Variants in ESRRG observed in about 807,000 individuals in gnomAD.
ESRRG encodes the protein estrogen related receptor gamma.
In ESRRG, 13 loss-of-function variants were observed where a neutral mutation model predicts 44.0. That is an observed-to-expected ratio of 0.30 (90% CI 0.19 to 0.47). The LOEUF is 0.47. Ranked by LOEUF, ESRRG falls within the 20% of genes least tolerant of loss-of-function variation. The pLI is 1.00. For synonymous variants in ESRRG, 215 were observed against 214.6 expected (o/e 1.00, Z -0.02); for missense variants, 395 against 580.6 (o/e 0.68, Z 3.29).
At chr1:216,821,567 C>G (rs549236439) in intron 2 of ESRRG, among the ~76,000 whole-genome samples, 35 of 151,254 alleles carry the variant, frequency 2.3e-4, no homozygotes, top group African/African-American at 8.0e-4. Flanking sequence ...TTCCCGTAGT[C>G]CCAGCTACTC....
intron 2 of ESRRG, among the ~76,000 whole-genome samples, chr1:216,765,768 C>G (rs369627775): frequency 3.3e-5 from 5 of 152,172 alleles, no homozygotes; most frequent in African/African-American, 1.2e-4. Flanking sequence ...TTTTTTCCTA[C>G]TGGCAGTGGG....
chr1:216,815,896 G>C (rs1025910704), intron 2 of ESRRG, among the ~76,000 whole-genome samples: 4 of 152,084 alleles, frequency 2.6e-5, no homozygotes, highest in Non-Finnish European at 5.9e-5. Context: ...TATGTTATTT[G>C]GTGTCACTTG....
chr1:216,922,867 C>T (rs375250778), intron 2 of ESRRG, among the ~76,000 whole-genome samples: 10 of 152,172 alleles, frequency 6.6e-5, no homozygotes, highest in Admixed American at 2.6e-4. Context: ...GTGCGCCATA[C>T]GGGTATTTGA....
intron 1 of ESRRG, among the ~76,000 whole-genome samples, chr1:217,016,262 TA>T (rs2079367681): frequency 6.6e-6 from 1 of 152,166 alleles, no homozygotes; most frequent in Non-Finnish European, 1.5e-5. Flanking sequence ...ACATTTTTAA[TA>T]AAGCCAAGTG....
At chr1:216,732,852 G>C (rs1312810502) in intron 2 of ESRRG, among the ~76,000 whole-genome samples, 3 of 147,120 alleles carry the variant, frequency 2.0e-5, no homozygotes, top group Admixed American at 6.7e-5. Context: ...AAAAAAAAGG[G>C]GGGGGAGGAG....
intron 2 of ESRRG, among the ~76,000 whole-genome samples, chr1:216,665,248 G>GA (rs529730351): frequency 2.5e-4 from 38 of 149,848 alleles, no homozygotes; most frequent in South Asian, 8.5e-4. Context: ...TGTATGTATA[G>GA]AAAAAAAAAA....
At chr1:216,668,131 A>G (rs151248293) in intron 2 of ESRRG, among the ~76,000 whole-genome samples, 310 of 152,312 alleles carry the variant, frequency 2.0e-3, no homozygotes, top group African/African-American at 7.2e-3. Context: ...AATATTTAAT[A>G]TCAGCAGAGG....
chr1:216,681,113 A>G (rs946464), intron 1 of ESRRG, among the ~76,000 whole-genome samples: 27,635 of 152,142 alleles, frequency 0.18, 3,252 homozygotes, highest in Middle Eastern at 0.27. Flanking sequence ...GGAAATATTT[A>G]TTTTAAAGCC....
chr1:216,826,200 A>C lies in ESRRG; in HGVS notation c.-14+113382T>G, dbSNP rs532181616. Among the ~76,000 whole-genome samples the C allele has an allele frequency of 7.9e-3, 1,189 of 151,328 alleles. 16 individuals are homozygous for C. Among genetic ancestry groups the C allele is most frequent in the African/African-American group, 0.024 (994 of 41,180 alleles). On this transcript the variant is annotated intron_variant, in intron 2 of 7. Transcript: ENST00000359162. ...AATTGTTTAAGGACAAAAAAAAAAA[A>C]AAACACACACACACACCCATAGGGA...
intron 1 of ESRRG, among the ~76,000 whole-genome samples, chr1:216,721,527 T>A (rs745464576): frequency 3.3e-5 from 5 of 152,196 alleles, no homozygotes; most frequent in Non-Finnish European, 5.9e-5. Flanking sequence ...CTAGTTTGAA[T>A]CTTGCGCCAA....
chr1:216,929,843 C>T (rs1381287026), intron 2 of ESRRG, among the ~76,000 whole-genome samples: 2 of 152,106 alleles, frequency 1.3e-5, no homozygotes, highest in Admixed American at 6.5e-5. Flanking sequence ...CTATAAAATG[C>T]TACATCTGTG....
intron 2 of ESRRG, among the ~76,000 whole-genome samples, chr1:216,759,894 G>A (rs533308833): frequency 6.6e-6 from 1 of 152,202 alleles, no homozygotes; most frequent in Non-Finnish European, 1.5e-5. Context: ...GCACATATGG[G>A]TCCCTTAGCC....
At chr1:216,864,380 A>G (rs535737860) in intron 2 of ESRRG, 1 of 151,222 alleles carries the variant, frequency 6.6e-6, no homozygotes, top group African/African-American at 2.4e-5. Flanking sequence ...TAACAAAATT[A>G]CCTATTGAGG....
chr1:216,970,498 C>T (rs796371187), intron 1 of ESRRG, among the ~76,000 whole-genome samples: 57 of 152,260 alleles, frequency 3.7e-4, no homozygotes, highest in African/African-American at 1.3e-3. Flanking sequence ...TGCCAATGAC[C>T]TTGACAAGGT....
chr1:216,716,809 G>T (rs1359320654), intron 1 of ESRRG, among the ~76,000 whole-genome samples: 2 of 151,630 alleles, frequency 1.3e-5, no homozygotes, highest in Non-Finnish European at 3.0e-5. Context: ...TTTCTATATT[G>T]TTTGAAAGAA....
chr1:216,945,541 T>TTTATTTA (rs1491442207), intron 1 of ESRRG, among the ~76,000 whole-genome samples: 28 of 146,380 alleles, frequency 1.9e-4, no homozygotes, highest in Non-Finnish European at 1.0e-4. Context: ...TCTATACCTA[T>TTTATTTA]TTATTTATTA....
intron 2 of ESRRG, among the ~76,000 whole-genome samples, chr1:216,838,698 TAA>T (rs1245061847): frequency 6.6e-6 from 1 of 152,188 alleles, no homozygotes. Context: ...ACCACTGCAA[TAA>T]AGTGAATATC....
intron 2 of ESRRG, among the ~76,000 whole-genome samples, chr1:216,874,512 C>A (rs187342620): frequency 6.6e-6 from 1 of 152,326 alleles, no homozygotes; most frequent in Admixed American, 6.5e-5. Context: ...CCCTGAGAAG[C>A]TCTTGTGTCT....
intron 4 of ESRRG, among the ~76,000 whole-genome samples, chr1:216,567,474 G>A (rs1262223852): frequency 1.3e-5 from 2 of 152,102 alleles, no homozygotes; most frequent in African/African-American, 4.8e-5. Flanking sequence ...GCCCATTCTT[G>A]TTTTAATCTA....
Sources: gnomAD v4.1 joint callset for allele counts (sites outside exome capture counted in the v4.1 genomes callset) on GRCh38, gnomAD v4.1.1 for gene constraint, MANE v1.5 for transcripts, NCBI Gene and HGNC (gene_info 2026-07-23, HGNC 2026-07-21) for gene names.